PCDHGA1: variants seen among roughly 807,000 people sequenced by gnomAD.
PCDHGA1 encodes protocadherin gamma subfamily A, 1.
A neutral mutation model predicts 58.0 loss-of-function variants in PCDHGA1; 32 were observed. The ratio of observed to expected loss-of-function variants is 0.55; its 90% confidence interval spans 0.42 to 0.74. The LOEUF is 0.74. Ranked by LOEUF, PCDHGA1 falls within the 30% of genes least tolerant of loss-of-function variation. The pLI is 0.00. For missense variants in PCDHGA1, 1,205 were observed against 1,182.3 expected, an observed-to-expected ratio of 1.02 and a Z score of -0.28; for synonymous variants, 498 against 501.1, an observed-to-expected ratio of 0.99 and a Z score of 0.08.
chr5:141,383,903 TC>T lies in PCDHGA1; in HGVS notation c.2421+50799del, dbSNP rs769022323. On this transcript the variant is annotated intron_variant, in intron 1 of 3. Transcript: ENST00000517417. ...AGTCTGACAAAGGCAAAAGTACTGA[TC>T]ACAGTTTTAGATGTAAATGATAATG... The T allele has an allele frequency of 8.9e-5, 144 of 1,613,802 alleles. 1 individual carries two copies. The highest frequency in any genetic ancestry group is 1.1e-4 in the Non-Finnish European group (134 of 1,179,876).
chr5:141,478,692 A>C (rs1459911657), intron 1 of PCDHGA1: 2 of 1,550,666 alleles, frequency 1.3e-6, no homozygotes, highest in African/African-American at 2.7e-5. Context: ...CCTAGATCAA[A>C]GTTAGTGCCT....
intron 1 of PCDHGA1, chr5:141,421,230 G>T: frequency 6.3e-7 from 1 of 1,590,132 alleles, no homozygotes. Context: ...AGCCTGCCAT[G>T]GCGAATCGGC....
At chr5:141,358,616 C>T (rs1249200315) in intron 1 of PCDHGA1, among the ~76,000 whole-genome samples, 2 of 152,198 alleles carry the variant, frequency 1.3e-5, no homozygotes, top group Non-Finnish European at 2.9e-5. Flanking sequence ...AGAAATATTT[C>T]CAAGCTAATT....
intron 1 of PCDHGA1, among the ~76,000 whole-genome samples, chr5:141,470,268 G>A (rs1349444076): frequency 6.6e-6 from 1 of 152,082 alleles, no homozygotes; most frequent in East Asian, 1.9e-4. Flanking sequence ...GGAGATACAT[G>A]TTTGTTTGAT....
At chr5:141,383,625 C>T (rs754758092) in intron 1 of PCDHGA1, 32 of 1,613,930 alleles carry the variant, frequency 2.0e-5, no homozygotes, top group Non-Finnish European at 2.7e-5. Context: ...CGCCTGTCTT[C>T]TCTCTGCCTC....
chr5:141,498,078 G>A (rs1165770641), intron 2 of PCDHGA1, among the ~76,000 whole-genome samples: 6 of 152,194 alleles, frequency 3.9e-5, no homozygotes, highest in African/African-American at 1.4e-4. Flanking sequence ...ATAAGTGCTA[G>A]GTAGAATTGT....
At chr5:141,390,854 T>G (rs1366490028) in intron 1 of PCDHGA1, 1 of 157,616 alleles carries the variant, frequency 6.3e-6, no homozygotes, top group Non-Finnish European at 1.4e-5. Context: ...ATATGCAGTG[T>G]ACGCTGTGTG....
In PCDHGA1 at chr5:141,413,998, G is replaced by A; in HGVS notation, c.2422-80809G>A. On this transcript the variant is annotated intron_variant, in intron 1 of 3. Transcript: ENST00000517417. The stretch of plus-strand genomic sequence containing the variant: ...GACAGTCACAGCCACCGACAGGGAC[G>A]AAGGTGCCAATGGAGAAGTGACATA... 1 of 1,613,320 alleles carries A rather than the reference G, an allele frequency of 6.2e-7. No individual in the cohort carries two copies. The highest frequency in any genetic ancestry group is 1.6e-4 in the Middle Eastern group (1 of 6,062).
chr5:141,476,551 C>G lies in PCDHGA1; in HGVS notation c.2422-18256C>G, dbSNP rs367700651. ...CCCAGGAAATGAAATTGGAGATTAG[C>G]GAGGCCGTGGCTCCGGGGACGCGCT... On this transcript the variant is annotated intron_variant, in intron 1 of 3. Transcript: ENST00000517417. The surrounding 1 kb of genome is among the most constrained non-coding windows in gnomAD (Gnocchi z 7.6). 128 of 1,614,078 alleles carry G rather than the reference C, an allele frequency of 7.9e-5. No homozygotes were observed. Among genetic ancestry groups the G allele is most frequent in the Non-Finnish European group, 1.0e-4 (122 of 1,180,034 alleles).
At chr5:141,373,976 G>A in intron 1 of PCDHGA1, 3 of 1,066,504 alleles carry the variant, frequency 2.8e-6, no homozygotes, top group South Asian at 2.6e-5. Context: ...CTTCGCATCC[G>A]GTCTCTGCTT....
rs2099388737 is a variant in PCDHGA1 at position 141,476,307 on chromosome 5, G to T, written c.2422-18500G>T. 1 of 1,613,606 alleles carries T rather than the reference G, an allele frequency of 6.2e-7. No individual in the cohort carries two copies. The highest frequency in any genetic ancestry group is 1.3e-5 in the African/African-American group (1 of 74,728). ...TTGGATCTCGGTAGCCTCTCAGCCC[G>T]CAGGTTCCGGGTGGTGTCTGGAGCT... On this transcript the variant is annotated intron_variant, in intron 1 of 3. Coordinates refer to ENST00000517417, the MANE Select transcript of PCDHGA1 (RefSeq NM_018912.3). The surrounding 1 kb of genome is among the most constrained non-coding windows in gnomAD (Gnocchi z 7.6).
chr5:141,486,884 C>G lies in PCDHGA1; in HGVS notation c.2422-7923C>G, dbSNP rs1272694679. On this transcript the variant is annotated intron_variant, in intron 1 of 3. Transcript: ENST00000517417. The surrounding 1 kb of genome is among the most constrained non-coding windows in gnomAD (Gnocchi z 5.0). ...TCCAGCTGTGCTCCGTCCTCGGGCC[C>G]GGCCTGGTTCCTTATGTCCCCAAGC... The G allele has an allele frequency of 6.2e-7, 1 of 1,614,224 alleles. No homozygotes were observed. The highest frequency in any genetic ancestry group is 8.5e-7 in the Non-Finnish European group (1 of 1,180,046).
chr5:141,473,382 C>T (rs780229708), intron 1 of PCDHGA1, among the ~76,000 whole-genome samples: 3 of 152,190 alleles, frequency 2.0e-5, no homozygotes, highest in Non-Finnish European at 4.4e-5. Context: ...TGGTCCCTGC[C>T]CTCCTGGAGC....
chr5:141,344,491 C>T (rs748758865), intron 1 of PCDHGA1: 2 of 1,613,874 alleles, frequency 1.2e-6, no homozygotes, highest in Non-Finnish European at 1.7e-6. Context: ...ACCCGATTTC[C>T]AATTAAAACT....
At position 141,486,121 on chromosome 5, in the gene PCDHGA1, T is replaced by C. The variant is rs371827617; in HGVS notation, c.2422-8686T>C. 5.6e-6 allele frequency: 9 copies of C among 1,614,086 alleles called. No individual in the cohort carries two copies. The highest frequency in any genetic ancestry group is 2.2e-5 in the South Asian group (2 of 91,082). ...TAGACTTTGAGAGTGAGAATTACTATGAATTTGATGTGCGGGCTCGCGATG... is the reference window on the plus strand; with the variant it reads ...TAGACTTTGAGAGTGAGAATTACTACGAATTTGATGTGCGGGCTCGCGATG... On this transcript the variant is annotated intron_variant, in intron 1 of 3. Coordinates refer to ENST00000517417, the MANE Select transcript of PCDHGA1 (RefSeq NM_018912.3). This position sits in a 1 kb window ranked among gnomAD's most constrained non-coding sequence, Gnocchi z 5.0.
rs369957326 is a variant in PCDHGA1, at chr5:141,332,478, G to C, written c.1794G>C (p.Ser598=). The change falls in exon 1 of 4, where the codon TCG becomes TCC. Residue 598 remains serine (S), a synonymous_variant. Coordinates refer to ENST00000517417, the MANE Select transcript of PCDHGA1 (RefSeq NM_018912.3). This position sits in a 1 kb window ranked among gnomAD's most constrained non-coding sequence, Gnocchi z 4.6. The part of the protein sequence containing the change: ...VTKVVAVDRD[S]GQNAWLSYRL... ...AGGTGGTGGCGGTGGACAGAGACTC[G>C]GGCCAGAACGCCTGGCTGTCCTACC... The C allele has an allele frequency of 8.7e-6, 14 of 1,613,150 alleles. No individual in the cohort carries two copies. Among genetic ancestry groups the C allele is most frequent in the African/African-American group, 8.0e-5 (6 of 74,898 alleles).
Position 141,331,633 on chromosome 5 carries a change from A to G in PCDHGA1, c.949A>G (p.Met317Val), listed in dbSNP as rs2149713239. 1.9e-6 allele frequency: 3 copies of G among 1,614,166 alleles called. No homozygotes were observed. Among genetic ancestry groups the G allele is most frequent in the Non-Finnish European group, 2.5e-6 (3 of 1,180,012 alleles). ...LDFEEYKMYS[M>V]EVQAQDGAGL... The stretch of plus-strand genomic sequence containing the variant: ...TTTCGAAGAATACAAAATGTATTCA[A>G]TGGAAGTTCAAGCCCAGGATGGTGC... The change falls in exon 1 of 4, where the codon ATG becomes GTG. Residue 317 changes from methionine (M) to valine (V), a missense_variant. Transcript: ENST00000517417.
rs139156138 is a variant in PCDHGA1 at position 141,472,179 on chromosome 5, T to C, written c.2422-22628T>C. 5.1e-4 allele frequency among the ~76,000 whole-genome samples: 77 copies of C among 152,246 alleles called. 4 individuals are homozygous for C. The East Asian group carries it at 0.014, about 27-fold the overall frequency. On this transcript the variant is annotated intron_variant, in intron 1 of 3. Coordinates refer to ENST00000517417, the MANE Select transcript of PCDHGA1 (RefSeq NM_018912.3). ...TAGCTACTAGGTGTAATATCCAGTATTGGAATTTGAATCTTTTTGACACTA... is the reference window on the plus strand; with the variant it reads ...TAGCTACTAGGTGTAATATCCAGTACTGGAATTTGAATCTTTTTGACACTA...
At chr5:141,439,215 G>A (rs1319217047) in intron 1 of PCDHGA1, among the ~76,000 whole-genome samples, 2 of 151,488 alleles carry the variant, frequency 1.3e-5, no homozygotes, top group African/African-American at 4.9e-5. Flanking sequence ...ATCCATATGT[G>A]AAAATTCTTA....
Sources: gnomAD v4.1 joint callset for allele counts (sites outside exome capture counted in the v4.1 genomes callset) on GRCh38, gnomAD v4.1.1 for gene constraint, Gnocchi (gnomAD v3.1) non-coding constraint, MANE v1.5 for transcripts, NCBI Gene and HGNC (gene_info 2026-07-23, HGNC 2026-07-21) for gene names.